ZDHHC13: variants seen among roughly 807,000 people sequenced by gnomAD.
ZDHHC13 encodes zDHHC palmitoyltransferase 13.
ZDHHC13 carries 85 observed loss-of-function variants against 86.0 expected under a neutral mutation model. The ratio of observed to expected loss-of-function variants is 0.99; its 90% CI spans 0.83 to 1.18. The LOEUF (loss-of-function observed/expected upper bound fraction) is 1.18, where lower values mean the gene tolerates loss of function less well. Ranked by LOEUF, ZDHHC13 falls within the 50% of genes most tolerant of loss-of-function variation. ZDHHC13 has a pLI of 0.00. For missense variants in ZDHHC13, 711 were observed against 730.2 expected (o/e 0.97, Z 0.30); for synonymous variants, 263 against 246.4 (o/e 1.07, Z -0.63).
intron 9 of ZDHHC13, among the ~76,000 whole-genome samples, chr11:19,157,104 G>C (rs988554340): frequency 6.6e-6 from 1 of 152,162 alleles, no homozygotes; most frequent in Non-Finnish European, 1.5e-5. Flanking sequence ...TTCATAGTTG[G>C]ATATGTCATT....
At chr11:19,139,149 G>A (rs1849234804) in intron 1 of ZDHHC13, among the ~76,000 whole-genome samples, 1 of 151,976 alleles carries the variant, frequency 6.6e-6, no homozygotes, top group South Asian at 2.1e-4. Flanking sequence ...CGACATGATT[G>A]TATATCTAGA....
chr11:19,141,246 T>G (rs912681941), intron 1 of ZDHHC13, among the ~76,000 whole-genome samples: 1 of 152,118 alleles, frequency 6.6e-6, no homozygotes, highest in Non-Finnish European at 1.5e-5. Flanking sequence ...ATTATGTAAA[T>G]GAGTAGTCAA....
At chr11:19,156,530 C>T (rs992585150) in intron 9 of ZDHHC13, among the ~76,000 whole-genome samples, 13 of 152,116 alleles carry the variant, frequency 8.5e-5, no homozygotes, top group African/African-American at 2.9e-4. Flanking sequence ...GTGATAATGC[C>T]TGCCTCATGG....
At position 19,172,937 on chromosome 11, in the gene ZDHHC13, A is replaced by G. The variant is rs748339564; in HGVS notation, c.1730+117A>G. ...TGTTCTGTAATTTGCCATCTAGTAC[A>G]GTTGACCCCCCTTTTCTTAGAGAAG... On this transcript the variant is annotated intron_variant, in intron 16 of 16. Transcript: ENST00000446113. 2.6e-4 allele frequency: 220 copies of G among 832,304 alleles called. 1 individual carries two copies. The highest frequency in any genetic ancestry group is 3.3e-4 in the Admixed American group (10 of 29,930). The allele number at this position is 832,304 out of a possible 1,614,324, so 51.6% of individuals were successfully genotyped here.
At chr11:19,175,215 C>T (rs552893209) in intron 16 of ZDHHC13, among the ~76,000 whole-genome samples, 1 of 151,276 alleles carries the variant, frequency 6.6e-6, no homozygotes, top group African/African-American at 2.4e-5. Flanking sequence ...GGTGAAACCC[C>T]GTCTCTACTA....
At chr11:19,170,289 A>G (rs780734423) in intron 14 of ZDHHC13, 122 bp from the exon 15 acceptor site, 7 of 1,430,104 alleles carry the variant, frequency 4.9e-6, no homozygotes, top group Non-Finnish European at 6.3e-6. Context: ...CTAAAATTGA[A>G]TCATGATCTG....
intron 1 of ZDHHC13, among the ~76,000 whole-genome samples, chr11:19,130,938 T>G (rs977616671): frequency 3.4e-5 from 5 of 146,220 alleles, no homozygotes; most frequent in Non-Finnish European, 1.5e-5. Context: ...CTCCGCCTCC[T>G]GGGCCCAAGT....
intron 1 of ZDHHC13, among the ~76,000 whole-genome samples, chr11:19,128,605 C>T (rs373381821): frequency 2.0e-5 from 3 of 152,214 alleles, no homozygotes; most frequent in African/African-American, 7.2e-5. Context: ...AACTTTCATT[C>T]TTAAAACTTT....
At chr11:19,161,770 A>C (rs1176504884) in intron 10 of ZDHHC13, among the ~76,000 whole-genome samples, 1 of 152,186 alleles carries the variant, frequency 6.6e-6, no homozygotes, top group East Asian at 1.9e-4. Flanking sequence ...AAAATCAGTT[A>C]TACAAGTGCA....
At chr11:19,164,875 A>G in intron 12 of ZDHHC13, 177 bp from the exon 13 acceptor site, 1 of 593,082 alleles carries the variant, frequency 1.7e-6, no homozygotes, top group South Asian at 2.0e-5. Context: ...TGTCCTAATC[A>G]AAGTAGACAT....
intron 8 of ZDHHC13, among the ~76,000 whole-genome samples, chr11:19,155,133 T>C (rs1590082260): frequency 6.6e-6 from 1 of 152,304 alleles, no homozygotes; most frequent in East Asian, 1.9e-4. Flanking sequence ...TTGAGTCTTT[T>C]GTATTAATTT....
Position 19,149,290 on chromosome 11 carries a change from C to T in ZDHHC13, c.478C>T (p.Gln160Ter), listed in dbSNP as rs941848840. 7 of 1,605,134 alleles carry T rather than the reference C, an allele frequency of 4.4e-6. No individual in the cohort carries two copies. In the African/African-American group the frequency reaches 9.4e-5, roughly 21 times the overall value. Reference sequence around the variant, plus strand: ...CAGCATCCACCTGGCAGTATTGTTTCAACACATGCCTATTATAGCATATCT... The same window carrying T: ...CAGCATCCACCTGGCAGTATTGTTTTAACACATGCCTATTATAGCATATCT... ...FSSIHLAVLF[Q>*]HMPIIAYLIS... The change falls in exon 5 of 17, where the codon CAA becomes TAA. Residue 160 changes from glutamine to a stop codon, truncating the protein, a stop_gained. Coordinates refer to ENST00000446113, the MANE Select transcript of ZDHHC13 (RefSeq NM_019028.3). LOFTEE classifies it high-confidence loss of function.
At chr11:19,133,406 CAT>C (rs949753021) in intron 1 of ZDHHC13, among the ~76,000 whole-genome samples, 25 of 133,208 alleles carry the variant, frequency 1.9e-4, no homozygotes, top group African/African-American at 3.9e-4. Flanking sequence ...CACACACACA[CAT>C]ATATATATAT....
In ZDHHC13 at chr11:19,152,682, G is replaced by T; in HGVS notation, c.871G>T (p.Glu291Ter). Residue 291 changes from glutamate (E) to a stop codon, truncating the protein, a stop_gained and splice_region_variant, in exon 8 of 17, where the codon GAG becomes TAG. Coordinates refer to ENST00000446113, the MANE Select transcript of ZDHHC13 (RefSeq NM_019028.3). LOFTEE classifies it high-confidence loss of function. ...FRLWRWLQKCELFLLLMLSVI... is the reference protein window; with the variant it reads ...FRLWRWLQKC ...ACTTTGGAGGTGGCTGCAGAAATGC[G>T]AGGTATTTTCATATGGGGTCTTTTC... The T allele has an allele frequency of 3.7e-6, 6 of 1,613,014 alleles. 1 individual carries two copies. Among genetic ancestry groups the T allele is most frequent in the Middle Eastern group, 3.3e-4 (2 of 6,052 alleles).
At chr11:19,173,159 T>C (rs1278585374) in intron 16 of ZDHHC13, among the ~76,000 whole-genome samples, 6 of 152,186 alleles carry the variant, frequency 3.9e-5, no homozygotes, top group Admixed American at 3.9e-4. Flanking sequence ...AGTGTATGGC[T>C]GAGAGAGCCA....
At chr11:19,164,171 G>A in intron 11 of ZDHHC13, 130 bp from the exon 12 acceptor site, 1 of 805,064 alleles carries the variant, frequency 1.2e-6, no homozygotes, top group South Asian at 1.9e-5. Flanking sequence ...AGAATGATTT[G>A]GTGGCAAGTA....
intron 16 of ZDHHC13, among the ~76,000 whole-genome samples, chr11:19,173,280 T>G (rs565321567): frequency 6.6e-6 from 1 of 152,316 alleles, no homozygotes; most frequent in South Asian, 2.1e-4. Context: ...TGCCCTCTTG[T>G]ACCAGGGAGA....
chr11:19,145,208 A>G (rs1380455945), intron 2 of ZDHHC13, among the ~76,000 whole-genome samples: 1 of 152,122 alleles, frequency 6.6e-6, no homozygotes, highest in Non-Finnish European at 1.5e-5. Flanking sequence ...CCTCTTTTTA[A>G]TGCTATACTA....
Position 19,175,786 on chromosome 11 carries a change from T to C in ZDHHC13, c.1731-36T>C, listed in dbSNP as rs746422696. The C allele has an allele frequency of 2.5e-6, 4 of 1,603,530 alleles. No individual in the cohort carries two copies. In the East Asian group the frequency reaches 6.7e-5, roughly 27 times the overall value. ...TGTTTGTCAAGCTACACAGGAAATA[T>C]AGTAAGACATGTTCTCTTTTTTTTT... On this transcript the variant is annotated intron_variant, in intron 16 of 16. Transcript: ENST00000446113.
Sources: gnomAD v4.1 joint callset for allele counts (sites outside exome capture counted in the v4.1 genomes callset) on GRCh38, gnomAD v4.1.1 for gene constraint, MANE v1.5 for transcripts, NCBI Gene and HGNC (gene_info 2026-07-23, HGNC 2026-07-21) for gene names.